The following TUBA4B variants were observed in gnomAD, a reference collection of about 807,000 sequenced individuals.
The protein encoded by TUBA4B is tubulin alpha 4b.
A neutral mutation model predicts 18.4 loss-of-function variants in TUBA4B; 13 were observed. The observed-to-expected ratio is 0.71, with a 90% CI of 0.46 to 1.12. TUBA4B has a LOEUF of 1.12. Ranked by LOEUF, TUBA4B falls within the 50% of genes most tolerant of loss-of-function variation. The pLI is 0.00. For synonymous variants in TUBA4B, 101 were observed against 99.1 expected (o/e 1.02, Z -0.11); for missense variants, 244 against 250.0 (o/e 0.98, Z 0.16).
At chr2:219,258,958 C>T (rs1951741518) in intron 1 of TUBA4B, among the ~76,000 whole-genome samples, 1 of 151,844 alleles carries the variant, frequency 6.6e-6, no homozygotes, top group African/African-American at 2.4e-5. Context: ...TTCTAGCTGA[C>T]AAAATGGAGA....
At position 219,253,959 on chromosome 2, in the gene TUBA4B, G is replaced by A. The variant is rs1003587852; in HGVS notation, c.12+540G>A. The A allele has an allele frequency of 7.0e-6, 8 of 1,147,208 alleles. No individual in the cohort carries two copies. In the Admixed American group the frequency reaches 1.9e-4, roughly 27 times the overall value. 71.1% of individuals were successfully genotyped at this position (1,147,208 alleles called of 1,614,324 possible). On this transcript the variant is annotated intron_variant, in intron 1 of 3. Transcript: ENST00000490341. The stretch of plus-strand genomic sequence containing the variant: ...GCACCGCCCTTATAGGCGGGGGGGG[G>A]GCGGGGCCCGCGTTCCCCGCTCGCC...
chr2:219,270,961 G>T (rs1951821190), intron 3 of TUBA4B, among the ~76,000 whole-genome samples: 1 of 152,138 alleles, frequency 6.6e-6, no homozygotes, highest in Non-Finnish European at 1.5e-5. Flanking sequence ...TGTGTTAAGG[G>T]CCTCAGGAGA....
chr2:219,271,571 T>C lies in TUBA4B; in HGVS notation c.598T>C (p.Ser200Pro), dbSNP rs368002471. 1.8e-4 allele frequency: 296 copies of C among 1,614,158 alleles called. No individual in the cohort carries two copies. Among genetic ancestry groups the C allele is most frequent in the Admixed American group, 3.2e-4 (19 of 60,008 alleles). ...DLTEFQTNLV[S>P]YLTSTSPWPP... ...GACAGAGTTCCAGACCAACCTGGTG[T>C]CCTACCTCACATCCACTTCCCCCTG... The change falls in exon 4 of 4, where the codon TCC becomes CCC. Residue 200 changes from serine to proline, a missense_variant. By Grantham distance (74) the Ser-to-Pro change is moderately conservative (BLOSUM62 -1). Coordinates refer to ENST00000490341, the MANE Select transcript of TUBA4B (RefSeq NM_001355221.1).
At chr2:219,253,934 G>C in intron 1 of TUBA4B, 3 of 1,057,704 alleles carry the variant, frequency 2.8e-6, no homozygotes, top group East Asian at 6.6e-5. Flanking sequence ...CTGCAGTGCC[G>C]CACCGCCCTT....
intron 1 of TUBA4B, among the ~76,000 whole-genome samples, chr2:219,259,272 A>G (rs951014546): frequency 1.1e-4 from 17 of 150,060 alleles, no homozygotes; most frequent in Admixed American, 5.3e-4. Context: ...TGAGCCGAGA[A>G]TGCGCCACTG....
chr2:219,268,131 T>C (rs6733813), intron 2 of TUBA4B, among the ~76,000 whole-genome samples: 9,207 of 140,850 alleles, frequency 0.065, 673 homozygotes, highest in African/African-American at 0.19. Context: ...TTTTTTGAGA[T>C]GGAGTCTCAC....
Position 219,272,187 on chromosome 2 carries a change from T to C in TUBA4B, c.*488T>C. 2.1e-6 allele frequency: 1 copy of C among 479,388 alleles called. No individual in the cohort carries two copies. Among genetic ancestry groups the C allele is most frequent in the South Asian group, 2.2e-5 (1 of 45,330 alleles). 29.7% of individuals were successfully genotyped at this position (479,388 alleles called of 1,614,324 possible). ...CTGTCCTACATAAAGTGCTGTGGCC[T>C]TATTGTCTCACGAATGTCTTTTTCT... On this transcript the variant is annotated 3_prime_UTR_variant, in exon 4 of 4. Transcript: ENST00000490341.
chr2:219,253,864 G>A (rs1241467609), intron 1 of TUBA4B: 3 of 1,469,804 alleles, frequency 2.0e-6, no homozygotes, highest in Admixed American at 2.8e-5. Flanking sequence ...ACCATGGTGA[G>A]TCCGGGCGGT....
At chr2:219,257,470 G>A (rs1574889845) in intron 1 of TUBA4B, among the ~76,000 whole-genome samples, 4 of 147,540 alleles carry the variant, frequency 2.7e-5, no homozygotes, top group East Asian at 2.1e-4. Context: ...GTGAAACCCC[G>A]TCTCTACCAA....
Position 219,272,125 on chromosome 2 carries a change from A to C in TUBA4B, c.*426A>C. 2 of 721,994 alleles carry C rather than the reference A, an allele frequency of 2.8e-6. No individual in the cohort carries two copies. Among genetic ancestry groups the C allele is most frequent in the Non-Finnish European group, 2.4e-6 (1 of 423,278 alleles). The allele number at this position is 721,994 out of a possible 1,614,324, so 44.7% of individuals were successfully genotyped here. On this transcript the variant is annotated 3_prime_UTR_variant, in exon 4 of 4. Coordinates refer to ENST00000490341, the MANE Select transcript of TUBA4B (RefSeq NM_001355221.1). Reference sequence around the variant, plus strand: ...GATAGTGTGGAGTGGGGGGAAGAAAAGATAGGGGGGATGAATACTAGGGGA... The same window carrying C: ...GATAGTGTGGAGTGGGGGGAAGAAACGATAGGGGGGATGAATACTAGGGGA...
At chr2:219,261,820 A>G (rs1951760852) in intron 1 of TUBA4B, among the ~76,000 whole-genome samples, 1 of 152,204 alleles carries the variant, frequency 6.6e-6, no homozygotes. Flanking sequence ...ACACTTATAT[A>G]AAAGCCATTC....
intron 1 of TUBA4B, among the ~76,000 whole-genome samples, chr2:219,258,254 G>A (rs1321901097): frequency 6.6e-6 from 1 of 152,060 alleles, no homozygotes; most frequent in African/African-American, 2.4e-5. Flanking sequence ...GCCTCTCAAA[G>A]TGCTAGGATT....
At chr2:219,266,341 C>T in intron 1 of TUBA4B, 180 bp from the exon 2 acceptor site, 1 of 577,232 alleles carries the variant, frequency 1.7e-6, no homozygotes, top group Non-Finnish European at 3.1e-6. Context: ...CAGCTGGCTC[C>T]CCTGTTTGGG....
At chr2:219,261,802 C>G (rs184020500) in intron 1 of TUBA4B, among the ~76,000 whole-genome samples, 148 of 152,336 alleles carry the variant, frequency 9.7e-4, no homozygotes, top group African/African-American at 3.4e-3. Context: ...GTTTCAAACC[C>G]TCCTGTTACA....
At chr2:219,261,814 T>C (rs1951760773) in intron 1 of TUBA4B, among the ~76,000 whole-genome samples, 1 of 152,202 alleles carries the variant, frequency 6.6e-6, no homozygotes, top group South Asian at 2.1e-4. Flanking sequence ...CCTGTTACAC[T>C]TATATAAAAG....
At chr2:219,268,097 C>T (rs1375738848) in intron 2 of TUBA4B, among the ~76,000 whole-genome samples, 1 of 147,344 alleles carries the variant, frequency 6.8e-6, no homozygotes, top group Non-Finnish European at 1.5e-5. Context: ...CTCAGCTCAA[C>T]TCATTATCTT....
intron 1 of TUBA4B, among the ~76,000 whole-genome samples, chr2:219,257,092 G>A (rs988511519): frequency 1.1e-4 from 16 of 139,224 alleles, no homozygotes; most frequent in South Asian, 2.4e-4. Flanking sequence ...TGCCCAGGCT[G>A]GAGTACAGTG....
chr2:219,256,973 C>T (rs1417043083), intron 1 of TUBA4B, among the ~76,000 whole-genome samples: 1 of 151,700 alleles, frequency 6.6e-6, no homozygotes, highest in Non-Finnish European at 1.5e-5. Context: ...AATAGATTCT[C>T]CCCTAGAATT....
At chr2:219,263,570 G>A (rs147815122) in intron 1 of TUBA4B, among the ~76,000 whole-genome samples, 1 of 152,326 alleles carries the variant, frequency 6.6e-6, no homozygotes, top group Non-Finnish European at 1.5e-5. Context: ...GGCCAGTTGG[G>A]AGAAGTTTCA....
Sources: allele counts gnomAD v4.1 joint callset (sites outside exome capture counted in the v4.1 genomes callset), GRCh38; gene constraint gnomAD v4.1.1; transcripts MANE v1.5; gene names NCBI Gene and HGNC (gene_info 2026-07-23, HGNC 2026-07-21).